The following ROBO1 variants were observed in gnomAD, a reference collection of about 807,000 sequenced individuals.
ROBO1 encodes roundabout guidance receptor 1, also known as roundabout homolog 1.
In ROBO1, 149 loss-of-function variants were observed where a neutral mutation model predicts 195.9. The observed-to-expected ratio is 0.76, with a 90% CI of 0.67 to 0.87. The LOEUF (loss-of-function observed/expected upper bound fraction) is 0.87. Among genes scored for constraint, ROBO1 ranks in the 40% least tolerant of loss-of-function variants. The probability of loss-of-function intolerance (pLI) is 0.00; values close to 1 mark genes in which losing one functional copy is unlikely to be tolerated. For missense variants in ROBO1, 1,933 were observed against 2,068.3 expected, an observed-to-expected ratio of 0.93 and a Z score of 1.27; for synonymous variants, 816 against 733.2, an observed-to-expected ratio of 1.11 and a Z score of -1.82.
chr3:79,457,394 T>C (rs966199236), intron 2 of ROBO1, among the ~76,000 whole-genome samples: 3 of 149,946 alleles, frequency 2.0e-5, no homozygotes, highest in African/African-American at 5.0e-5. Flanking sequence ...TGTGTGTGTG[T>C]GCGTGTGTGT....
At chr3:78,877,510 A>G (rs1320637197) in intron 4 of ROBO1, among the ~76,000 whole-genome samples, 1 of 152,208 alleles carries the variant, frequency 6.6e-6, no homozygotes, top group African/African-American at 2.4e-5. Flanking sequence ...AAGAAAAAAA[A>G]TCAAACAGAT....
chr3:79,308,216 T>C (rs1474011516), intron 2 of ROBO1, among the ~76,000 whole-genome samples: 1 of 152,170 alleles, frequency 6.6e-6, no homozygotes, highest in Non-Finnish European at 1.5e-5. Context: ...AGTTGTATAA[T>C]TTTTGTTTGC....
At chr3:79,321,460 T>C (rs554305577) in intron 2 of ROBO1, among the ~76,000 whole-genome samples, 1 of 152,314 alleles carries the variant, frequency 6.6e-6, no homozygotes, top group East Asian at 1.9e-4. Context: ...AACTTATTAG[T>C]TTAGATGTGC....
intron 4 of ROBO1, among the ~76,000 whole-genome samples, chr3:78,825,897 AT>A (rs2031550639): frequency 6.6e-6 from 1 of 152,142 alleles, no homozygotes; most frequent in Admixed American, 6.6e-5. Context: ...TCCTGCTAAG[AT>A]TTTGAAAGAC....
intron 3 of ROBO1, among the ~76,000 whole-genome samples, chr3:78,944,050 C>T (rs140457040): frequency 0.011 from 1,723 of 152,286 alleles, 34 homozygotes; most frequent in African/African-American, 0.039. Context: ...AAAACCACTA[C>T]TAATTATCCA....
intron 2 of ROBO1, among the ~76,000 whole-genome samples, chr3:79,252,983 A>G (rs887151728): frequency 2.0e-5 from 3 of 152,166 alleles, no homozygotes; most frequent in Admixed American, 6.6e-5. Flanking sequence ...TGGCCTTACC[A>G]GTGTGACCTA....
intron 4 of ROBO1, among the ~76,000 whole-genome samples, chr3:78,798,964 G>A (rs557716783): frequency 6.6e-6 from 1 of 152,214 alleles, no homozygotes; most frequent in South Asian, 2.1e-4. Context: ...ACAAAACAAA[G>A]CATGCAGGTG....
At chr3:78,780,343 C>G (rs2083638464) in intron 4 of ROBO1, among the ~76,000 whole-genome samples, 1 of 152,132 alleles carries the variant, frequency 6.6e-6, no homozygotes, top group African/African-American at 2.4e-5. Flanking sequence ...GACGCAATTT[C>G]CAAAATTCAA....
chr3:79,493,754 G>A (rs1325916164), intron 2 of ROBO1, among the ~76,000 whole-genome samples: 2 of 151,910 alleles, frequency 1.3e-5, no homozygotes, highest in African/African-American at 4.8e-5. Context: ...GAATACTGGA[G>A]ATATTTTGAT....
chr3:78,913,169 A>G (rs1349532768), intron 4 of ROBO1, among the ~76,000 whole-genome samples: 1 of 152,162 alleles, frequency 6.6e-6, no homozygotes, highest in Non-Finnish European at 1.5e-5. Context: ...GAATAAATGG[A>G]GTAGAAATGT....
intron 2 of ROBO1, among the ~76,000 whole-genome samples, chr3:79,305,451 C>T (rs964813637): frequency 7.3e-6 from 1 of 136,258 alleles, no homozygotes; most frequent in Non-Finnish European, 1.5e-5. Flanking sequence ...TGAGCCACTG[C>T]ACTCCAGCCT....
chr3:79,367,276 A>C (rs746021354), intron 2 of ROBO1, among the ~76,000 whole-genome samples: 1 of 152,126 alleles, frequency 6.6e-6, no homozygotes, highest in Non-Finnish European at 1.5e-5. Flanking sequence ...CTCAGTTTGA[A>C]TGGAATCAGG....
chr3:78,679,594 A>G (rs1159879188), intron 10 of ROBO1, among the ~76,000 whole-genome samples: 1 of 152,180 alleles, frequency 6.6e-6, no homozygotes, highest in Admixed American at 6.6e-5. Context: ...CAAAGAGAAT[A>G]AAATACCTAG....
intron 4 of ROBO1, among the ~76,000 whole-genome samples, chr3:78,815,824 T>TA (rs1446808086): frequency 1.3e-5 from 2 of 152,212 alleles, no homozygotes; most frequent in African/African-American, 4.8e-5. Context: ...CATCTGCAAT[T>TA]ACTTCCTCCA....
intron 3 of ROBO1, among the ~76,000 whole-genome samples, chr3:79,024,263 G>T (rs2078160633): frequency 6.6e-6 from 1 of 152,154 alleles, no homozygotes; most frequent in African/African-American, 2.4e-5. Context: ...AGAGCCTGGG[G>T]CCTTACATAT....
chr3:79,144,864 T>C (rs536525652), intron 2 of ROBO1, among the ~76,000 whole-genome samples: 4 of 151,992 alleles, frequency 2.6e-5, no homozygotes, highest in Non-Finnish European at 5.9e-5. Context: ...GCAATGTATC[T>C]TGTTAGAGAA....
chr3:78,729,192 TGCAGAA>T (rs2082232331), intron 5 of ROBO1, among the ~76,000 whole-genome samples: 5 of 152,214 alleles, frequency 3.3e-5, no homozygotes, highest in South Asian at 4.1e-4. Context: ...TGTTTGCTGC[TGCAGAA>T]GCACACCTAT....
At chr3:79,502,305 G>A (rs938439895) in intron 2 of ROBO1, among the ~76,000 whole-genome samples, 1 of 152,162 alleles carries the variant, frequency 6.6e-6, no homozygotes, top group African/African-American at 2.4e-5. Flanking sequence ...TTGCGGGCCA[G>A]CGCGAGTTCC....
rs1273873939 is a variant in ROBO1, at chr3:78,955,373, C to T, written c.173-16446G>A. ...ACCTCTCTCTCCTCCCAACCTTCAC[C>T]CTCCGGTAAACCCCAGTGTCTGTGG... On this transcript the variant is annotated intron_variant, in intron 3 of 30. Coordinates refer to ENST00000464233, the MANE Select transcript of ROBO1 (RefSeq NM_002941.4). Among the ~76,000 whole-genome samples, 6 of 152,170 alleles carry T rather than the reference C, an allele frequency of 3.9e-5. No homozygotes were observed. In the East Asian group the frequency reaches 9.7e-4, roughly 25 times the overall value.
Sources: gnomAD v4.1 joint callset for allele counts (sites outside exome capture counted in the v4.1 genomes callset) on GRCh38, gnomAD v4.1.1 for gene constraint, MANE v1.5 for transcripts, NCBI Gene and HGNC (gene_info 2026-07-23, HGNC 2026-07-21) for gene names.